The following RETN variants were observed in gnomAD, a reference collection of about 807,000 sequenced individuals.
RETN encodes the protein C/EBP-epsilon regulated myeloid-specific secreted cysteine-rich protein precursor 1.
A neutral mutation model predicts 6.1 loss-of-function variants in RETN; 5 were observed. The observed-to-expected ratio is 0.82, with a 90% CI of 0.43 to 1.73. The LOEUF (loss-of-function observed/expected upper bound fraction) is 1.73. RETN is among the 40% of genes most tolerant of loss of function. The probability of loss-of-function intolerance (pLI) is 0.02; values close to 1 mark genes in which losing one functional copy is unlikely to be tolerated. For missense variants in RETN, 168 were observed against 142.5 expected (o/e 1.18, Z -0.91); for synonymous variants, 62 against 59.2 (o/e 1.05, Z -0.22).
At chr19:7,670,113 T>TGG in intron 3 of RETN, 106 bp from the exon 4 acceptor site, 6 of 465,478 alleles carry the variant, frequency 1.3e-5, no homozygotes, top group East Asian at 4.1e-5. Flanking sequence ...GCCGTCCCCG[T>TGG]CCCCACCCCC....
rs755032981 is a variant in RETN at position 7,669,885 on chromosome 19, T to G, written c.183T>G (p.Ala61=). The G allele has an allele frequency of 1.9e-6, 3 of 1,613,904 alleles. No individual in the cohort carries two copies. In the Admixed American group the frequency reaches 5.0e-5, roughly 27 times the overall value. The part of the protein sequence containing the change: ...CQSVTSRGDL[A]TCPRGFAVTG... ...GCGTCACCTCCAGGGGGGACCTGGC[T>G]ACTTGCCCCCGAGGTGAGTGCAGGA... Residue 61 remains alanine (A), a synonymous_variant, in exon 3 of 4, where the codon GCT becomes GCG. Coordinates refer to ENST00000221515, the MANE Select transcript of RETN (RefSeq NM_020415.4).
chr19:7,669,957 C>T (rs1035219891), intron 3 of RETN, 59 bp downstream of exon 3: 7 of 1,302,230 alleles, frequency 5.4e-6, no homozygotes, highest in East Asian at 2.3e-5. Context: ...CCTGGGAATG[C>T]CCCCTCCCCG....
At chr19:7,670,432 A>AGATGATGAT (rs3833230) in exon 4 of RETN, 9 of 1,143,008 alleles carry the variant, frequency 7.9e-6, no homozygotes, top group South Asian at 7.4e-5. Context: ...ATAAACCTGG[A>AGATGATGAT]GATGATGATG....
rs780975301 is a variant in RETN at position 7,669,819 on chromosome 19, AGTATTTAGGGCAATAAGCAGCATTGGCCT to A, written c.119_147del (p.Ile40ArgfsTer?). 1.2e-6 allele frequency: 2 copies of A among 1,613,604 alleles called. No homozygotes were observed. Among genetic ancestry groups the A allele is most frequent in the Admixed American group, 3.3e-5 (2 of 59,994 alleles). On this transcript the variant is annotated splice_acceptor_variant and coding_sequence_variant, in exon 3 of 4. Coordinates refer to ENST00000221515, the MANE Select transcript of RETN (RefSeq NM_020415.4). LOFTEE classifies it high-confidence loss of function. ...CCTGTCTCCTTTCCTCCTGCCCCCC[AGTATTTAGGGCAATAAGCAGCATTGGCCT>A]GGAGTGCCAGAGCGTCACCTCCAGG...
chr19:7,669,734 G>C (rs2032460606), intron 2 of RETN, 87 bp from the exon 3 acceptor site: 3 of 1,234,212 alleles, frequency 2.4e-6, no homozygotes, highest in Admixed American at 1.8e-5. Flanking sequence ...CAGGGACCTA[G>C]CTCCAAACCA....
At chr19:7,670,067 C>T (rs2032470988) in intron 3 of RETN, 152 bp from the exon 4 acceptor site, 2 of 1,000,084 alleles carry the variant, frequency 2.0e-6, no homozygotes, top group East Asian at 2.6e-5. Context: ...CCCTCACTCC[C>T]TGCCTCCAGT....
At chr19:7,670,111 C>T in intron 3 of RETN, 108 bp from the exon 4 acceptor site, 3 of 614,744 alleles carry the variant, frequency 4.9e-6, no homozygotes, top group Non-Finnish European at 2.9e-6. Flanking sequence ...CAGCCGTCCC[C>T]GTCCCCACCC....
Position 7,669,458 on chromosome 19 carries a change from AC to A in RETN, c.118+15del, listed in dbSNP as rs2032454982. 6.3e-7 allele frequency: 1 copy of A among 1,587,602 alleles called. No individual in the cohort carries two copies. Among genetic ancestry groups the A allele is most frequent in the Admixed American group, 1.7e-5 (1 of 59,956 alleles). Reference sequence around the variant, plus strand: ...CCGGCTCCCTAAGTGAGGACCCCCCACTTGGGCAAGCTCCCCAAGGGTCTCA... The same window carrying A: ...CCGGCTCCCTAAGTGAGGACCCCCCATTGGGCAAGCTCCCCAAGGGTCTCA... On this transcript the variant is annotated intron_variant, in intron 2 of 3. Transcript: ENST00000221515.
At chr19:7,669,664 C>T (rs575432025) in intron 2 of RETN, among the ~76,000 whole-genome samples, 157 bp from the exon 3 acceptor site, 28 of 152,292 alleles carry the variant, frequency 1.8e-4, no homozygotes, top group African/African-American at 6.7e-4. Flanking sequence ...CAAACCTTCC[C>T]TTACTCCAAA....
Position 7,670,451 on chromosome 19 carries a change from GATGA to G in RETN, c.*103_*106del. ...ACCTGGAGATGATGATGATGATGAT[GATGA>G]TGATGATGGAGCGGATCTGAGCCCT... On this transcript the variant is annotated 3_prime_UTR_variant, in exon 4 of 4. Coordinates refer to ENST00000221515, the MANE Select transcript of RETN (RefSeq NM_020415.4). 7.8e-7 allele frequency: 1 copy of G among 1,279,158 alleles called. No individual in the cohort carries two copies. Among genetic ancestry groups the G allele is most frequent in the Non-Finnish European group, 1.1e-6 (1 of 934,346 alleles). The allele number at this position is 1,279,158 out of a possible 1,614,324, so 79.2% of individuals were successfully genotyped here.
rs1782925177 is a variant in RETN at position 7,670,416 on chromosome 19, C to T, written c.*67C>T. 1 of 1,490,106 alleles carries T rather than the reference C, an allele frequency of 6.7e-7. No homozygotes were observed. The highest frequency in any genetic ancestry group is 1.2e-5 in the South Asian group (1 of 80,538). The allele number at this position is 1,490,106 out of a possible 1,614,324, so 92.3% of individuals were successfully genotyped here. A position where few individuals can be genotyped will look rare whatever the true frequency, so the allele number is the denominator to read the frequency against. On this transcript the variant is annotated 3_prime_UTR_variant, in exon 4 of 4. Coordinates refer to ENST00000221515, the MANE Select transcript of RETN (RefSeq NM_020415.4). ...CAGGTCCGGAGGGGTTGCGGGGGAG[C>T]TGGAAATAAACCTGGAGATGATGAT...
At position 7,670,200 on chromosome 19, in the gene RETN, C is replaced by T; in HGVS notation, c.197-19C>T. ...AGCCTCCCAGCTCAGAGTCCACGCT[C>T]CTGTGTTCCGGGCTGCAGGCTTCGC... On this transcript the variant is annotated intron_variant, in intron 3 of 3. Transcript: ENST00000221515. The T allele has an allele frequency of 6.3e-7, 1 of 1,592,506 alleles. No homozygotes were observed. Among genetic ancestry groups the T allele is most frequent in the Non-Finnish European group, 8.5e-7 (1 of 1,175,008 alleles).
At chr19:7,670,197 G>C in intron 3 of RETN, 22 bp from the exon 4 acceptor site, 1 of 1,543,638 alleles carries the variant, frequency 6.5e-7, no homozygotes, top group Non-Finnish European at 8.7e-7. Context: ...CAGAGTCCAC[G>C]CTCCTGTGTT....
chr19:7,670,156 C>T (rs2032474529), intron 3 of RETN, 63 bp from the exon 4 acceptor site: 13 of 787,032 alleles, frequency 1.7e-5, no homozygotes, highest in Non-Finnish European at 2.7e-5. Flanking sequence ...CTCCCCACCC[C>T]CCTCCCGCTC....
chr19:7,669,720 C>A (rs1429781070), intron 2 of RETN, 101 bp from the exon 3 acceptor site: 2 of 1,053,028 alleles, frequency 1.9e-6, no homozygotes, highest in Admixed American at 1.9e-5. Flanking sequence ...AGCTCCTATG[C>A]CCACAGGGAC....
intron 3 of RETN, 66 bp downstream of exon 3, chr19:7,669,964 C>T: frequency 8.1e-7 from 1 of 1,233,508 alleles, no homozygotes. Context: ...ATGCCCCCTC[C>T]CCGCCACGTT....
At position 7,669,081 on chromosome 19, in the gene RETN, A is replaced by G; in HGVS notation, c.-51A>G. ...CTCAAAGAAAGAGCTGCGGTGCAGGAATTCGTGTGCCGGATTTGGTTAGCT... is the reference window on the plus strand; with the variant it reads ...CTCAAAGAAAGAGCTGCGGTGCAGGGATTCGTGTGCCGGATTTGGTTAGCT... On this transcript the variant is annotated 5_prime_UTR_variant, in exon 1 of 4. Coordinates refer to ENST00000221515, the MANE Select transcript of RETN (RefSeq NM_020415.4). The G allele has an allele frequency of 2.0e-6, 1 of 497,824 alleles. No homozygotes were observed. Among genetic ancestry groups the G allele is most frequent in the Non-Finnish European group, 3.7e-6 (1 of 273,394 alleles). The allele number at this position is 497,824 out of a possible 1,614,324, so 30.8% of individuals were successfully genotyped here.
In RETN at chr19:7,669,898, G is replaced by A. The variant is rs566843624; in HGVS notation, c.196G>A (p.Gly66Ser). ...GGGGGACCTGGCTACTTGCCCCCGA[G>A]GTGAGTGCAGGAGACTGTTGTCCAG... ...SRGDLATCPRGFAVTGCTCGS... is the reference protein window; with the variant it reads ...SRGDLATCPRSFAVTGCTCGS... The change falls in exon 3 of 4, where the codon GGC (glycine) becomes AGC (serine). Residue 66 changes from glycine (G) to serine (S), a missense_variant and splice_region_variant. Physicochemically the swap from Gly to Ser is moderately conservative, Grantham distance 56. Coordinates refer to ENST00000221515, the MANE Select transcript of RETN (RefSeq NM_020415.4). The A allele has an allele frequency of 9.9e-6, 16 of 1,613,648 alleles. No individual in the cohort carries two copies. Among genetic ancestry groups the A allele is most frequent in the Admixed American group, 1.7e-5 (1 of 60,012 alleles).
At chr19:7,669,179 G>T (rs1384067397) in intron 1 of RETN, 58 bp downstream of exon 1, 8 of 682,142 alleles carry the variant, frequency 1.2e-5, no homozygotes, top group Non-Finnish European at 5.2e-6. Context: ...TGGGGTCAAG[G>T]CTGAGCCTCC....
Sources: allele counts gnomAD v4.1 joint callset (sites outside exome capture counted in the v4.1 genomes callset), GRCh38; gene constraint gnomAD v4.1.1; transcripts MANE v1.5; gene names NCBI Gene and HGNC (gene_info 2026-07-23, HGNC 2026-07-21).